Variants in ENPP3 observed in about 807,000 individuals in gnomAD.
ENPP3 encodes the protein ectonucleotide pyrophosphatase/phosphodiesterase family member 3.
ENPP3 carries 104 observed loss-of-function variants against 117.8 expected under a neutral mutation model. The observed-to-expected ratio is 0.88, with a 90% CI of 0.75 to 1.04. The LOEUF (loss-of-function observed/expected upper bound fraction) is 1.04, where lower values mean the gene tolerates loss of function less well. ENPP3 is among the 50% of genes least tolerant of loss of function. ENPP3 has a pLI of 0.00. For missense variants in ENPP3, 1,026 were observed against 1,051.9 expected (o/e 0.98, Z 0.34); for synonymous variants, 380 against 349.9 (o/e 1.09, Z -0.96).
At chr6:131,664,513 G>C (rs1341039049) in intron 6 of ENPP3, among the ~76,000 whole-genome samples, 1 of 152,146 alleles carries the variant, frequency 6.6e-6, no homozygotes, top group African/African-American at 2.4e-5. Context: ...ATTTTTGTAA[G>C]TTTAGTGTAT....
chr6:131,652,711 G>A (rs748790900), intron 4 of ENPP3, 44 bp downstream of exon 4: 7 of 1,612,512 alleles, frequency 4.3e-6, no homozygotes, highest in Non-Finnish European at 5.1e-6. Flanking sequence ...CGAGTTTAGA[G>A]GAACTCCATG....
At chr6:131,696,972 T>C (rs1176097100) in intron 15 of ENPP3, among the ~76,000 whole-genome samples, 1 of 152,134 alleles carries the variant, frequency 6.6e-6, no homozygotes, top group East Asian at 1.9e-4. Flanking sequence ...GGTTTCACCA[T>C]GTTAGCCAGG....
chr6:131,730,820 C>T (rs1465318873), intron 20 of ENPP3, among the ~76,000 whole-genome samples: 1 of 150,174 alleles, frequency 6.7e-6, no homozygotes, highest in Non-Finnish European at 1.5e-5. Context: ...GAAGCTGAGG[C>T]AGGAGAATCA....
chr6:131,674,024 G>A, intron 7 of ENPP3, 138 bp from the exon 8 acceptor site: 1 of 570,282 alleles, frequency 1.8e-6, no homozygotes, highest in Non-Finnish European at 3.1e-6. Flanking sequence ...TGATATGTAA[G>A]TTCAGGTCCA....
intron 24 of ENPP3, among the ~76,000 whole-genome samples, chr6:131,742,208 T>C (rs1187586956): frequency 1.3e-5 from 2 of 152,118 alleles, no homozygotes; most frequent in African/African-American, 2.4e-5. Flanking sequence ...TTGAATTGAA[T>C]CCCTTCCTAC....
At chr6:131,716,499 A>G (rs1585708961) in intron 15 of ENPP3, among the ~76,000 whole-genome samples, 1 of 151,826 alleles carries the variant, frequency 6.6e-6, no homozygotes, top group East Asian at 2.0e-4. Flanking sequence ...TAGTACGAGC[A>G]TTAGAAAATT....
At position 131,722,394 on chromosome 6, in the gene ENPP3, C is replaced by T. The variant is rs766157814; in HGVS notation, c.1735C>T (p.His579Tyr). 63 of 1,612,784 alleles carry T rather than the reference C, an allele frequency of 3.9e-5. No individual in the cohort carries two copies. Among genetic ancestry groups the T allele is most frequent in the Non-Finnish European group, 4.9e-5 (58 of 1,179,620 alleles). Residue 579 changes from histidine to tyrosine, a missense_variant, in exon 18 of 25, where the codon CAC becomes TAC. By Grantham distance (83) the His-to-Tyr change is moderately conservative. Coordinates refer to ENST00000357639, the MANE Select transcript of ENPP3 (RefSeq NM_005021.5). The part of the protein sequence containing the change: ...PTESLDCFCP[H>Y]LQNSTQLEQV... ...AGAGTCTCTTGACTGTTTCTGCCCT[C>T]ACCTACAAAATGTAAGTAACAACTT...
rs758422551 is a variant in ENPP3 at position 131,733,580 on chromosome 6, T to C, written c.1954-8T>C. 88 of 1,607,990 alleles carry C rather than the reference T, an allele frequency of 5.5e-5. No homozygotes were observed. The African/African-American group carries it at 1.1e-3, about 21-fold the overall frequency. ...GGGCGTAATTTTTTTCTCTCTCTCT[T>C]TGAACAGGGAGACACATCGCCTCTG... On this transcript the variant is annotated splice_region_variant and splice_polypyrimidine_tract_variant and intron_variant, in intron 20 of 24. Transcript: ENST00000357639.
intron 6 of ENPP3, among the ~76,000 whole-genome samples, chr6:131,662,556 T>C (rs1778525698): frequency 6.6e-6 from 1 of 152,212 alleles, no homozygotes; most frequent in Non-Finnish European, 1.5e-5. Flanking sequence ...TTCTTTTTCA[T>C]TGGTCTATAC....
chr6:131,712,154 T>C (rs1385644463), intron 15 of ENPP3, among the ~76,000 whole-genome samples: 2 of 135,094 alleles, frequency 1.5e-5, no homozygotes, highest in African/African-American at 3.6e-5. Context: ...TGATGCCCTA[T>C]CTGTTAACTC....
intron 6 of ENPP3, among the ~76,000 whole-genome samples, chr6:131,665,740 A>G (rs571590983): frequency 6.6e-6 from 1 of 151,688 alleles, no homozygotes; most frequent in Non-Finnish European, 1.5e-5. Context: ...TTCTTCTTGC[A>G]TCTTTTCTTT....
Position 131,685,967 on chromosome 6 carries a change from T to G in ENPP3, c.1284+60T>G, listed in dbSNP as rs561000242. On this transcript the variant is annotated intron_variant, in intron 14 of 24. Coordinates refer to ENST00000357639, the MANE Select transcript of ENPP3 (RefSeq NM_005021.5). ...GTTAATGCAATGACCTTAATCTGGG[T>G]TTTTGAGAAATTCATATTGTATATT... 66 of 554,464 alleles carry G rather than the reference T, an allele frequency of 1.2e-4. No individual in the cohort carries two copies. The South Asian group carries it at 1.5e-3, about 12-fold the overall frequency. 34.3% of individuals were successfully genotyped at this position (554,464 alleles called of 1,614,324 possible).
rs1778903728 is a variant in ENPP3, at chr6:131,677,848, T to C, written c.939-20T>C. The C allele has an allele frequency of 1.3e-6, 2 of 1,494,616 alleles. No individual in the cohort carries two copies. The highest frequency in any genetic ancestry group is 2.3e-5 in the South Asian group (2 of 87,452). The allele number at this position is 1,494,616 out of a possible 1,614,324, so 92.6% of individuals were successfully genotyped here. ...TTATAGCAAATTGATAATATATTTC[T>C]GTTTCAATTTTACCCCTAGACCCAG... On this transcript the variant is annotated intron_variant, in intron 10 of 24. Coordinates refer to ENST00000357639, the MANE Select transcript of ENPP3 (RefSeq NM_005021.5).
At chr6:131,731,936 T>C (rs1713196922) in intron 20 of ENPP3, among the ~76,000 whole-genome samples, 1 of 152,238 alleles carries the variant, frequency 6.6e-6, no homozygotes. Flanking sequence ...TGTAGTATGT[T>C]AGGGAGTACA....
chr6:131,676,692 G>A, intron 9 of ENPP3, 44 bp from the exon 10 acceptor site: 1 of 1,280,876 alleles, frequency 7.8e-7, no homozygotes, highest in East Asian at 2.3e-5. Flanking sequence ...AGTTATTCTT[G>A]ATTTGATTCA....
chr6:131,652,800 A>G (rs902572934), intron 4 of ENPP3, 31 bp from the exon 5 acceptor site: 1 of 1,601,148 alleles, frequency 6.2e-7, no homozygotes, highest in Non-Finnish European at 8.6e-7. Context: ...TGCTGCAGCA[A>G]GTATCAAGAT....
chr6:131,717,373 T>G (rs1779920042), intron 15 of ENPP3, among the ~76,000 whole-genome samples: 1 of 143,936 alleles, frequency 6.9e-6, no homozygotes, highest in Non-Finnish European at 1.5e-5. Context: ...TGTGTGTGTG[T>G]GTGTGTGTGT....
Position 131,652,938 on chromosome 6 carries a change from G to A in ENPP3, c.464+47G>A, listed in dbSNP as rs759742483. The A allele has an allele frequency of 6.1e-6, 8 of 1,311,608 alleles. No individual in the cohort carries two copies. In the East Asian group the frequency reaches 9.2e-5, roughly 15 times the overall value. 81.2% of individuals were successfully genotyped at this position (1,311,608 alleles called of 1,614,324 possible). A position where few individuals can be genotyped will look rare whatever the true frequency, so the allele number is the denominator to read the frequency against. On this transcript the variant is annotated intron_variant, in intron 5 of 24. Transcript: ENST00000357639. ...ATTTTTATCCTCCTTTAACAAAGGT[G>A]CACATAAGAATGTAGTTAGTTGAGA...
At chr6:131,650,514 T>C (rs1237388651) in intron 3 of ENPP3, among the ~76,000 whole-genome samples, 1 of 152,138 alleles carries the variant, frequency 6.6e-6, no homozygotes, top group Admixed American at 6.6e-5. Context: ...TGAACCACTA[T>C]GCCAGGGCTG....
Sources: gnomAD v4.1 joint callset for allele counts (sites outside exome capture counted in the v4.1 genomes callset) on GRCh38, gnomAD v4.1.1 for gene constraint, MANE v1.5 for transcripts, NCBI Gene and HGNC (gene_info 2026-07-23, HGNC 2026-07-21) for gene names.